TEAD1: variants seen among roughly 807,000 people sequenced by gnomAD.
TEAD1 encodes TEA domain transcription factor 1.
Under a neutral mutation model 54.9 loss-of-function variants are expected in TEAD1, and 9 were observed. The ratio of observed to expected loss-of-function variants is 0.16; its 90% CI spans 0.10 to 0.29. The LOEUF is 0.29. Ranked by LOEUF, TEAD1 falls within the 10% of genes least tolerant of loss-of-function variation. The pLI, the probability that TEAD1 is intolerant of heterozygous loss-of-function variation, is 1.00. For missense variants in TEAD1, 387 were observed against 535.9 expected, an observed-to-expected ratio of 0.72 and a Z score of 2.74; for synonymous variants, 200 against 187.8, an observed-to-expected ratio of 1.07 and a Z score of -0.53.
intron 3 of TEAD1, among the ~76,000 whole-genome samples, chr11:12,814,880 T>C (rs1017294832): frequency 9.2e-5 from 14 of 151,718 alleles, no homozygotes; most frequent in African/African-American, 3.4e-4. Context: ...TCTGTGTGTG[T>C]GTGCACGCGT....
Position 12,845,399 on chromosome 11 carries a change from C to T in TEAD1, c.203-16851C>T, listed in dbSNP as rs912057499. Among the ~76,000 whole-genome samples the T allele has an allele frequency of 1.5e-4, 23 of 152,162 alleles. 1 individual carries two copies. The highest frequency in any genetic ancestry group is 2.1e-4 in the South Asian group (1 of 4,828). The stretch of plus-strand genomic sequence containing the variant: ...GCACTATCGTGTGTGTGTGCGCACA[C>T]GCACACACAGTAGCTAGAAGTGTTA... On this transcript the variant is annotated intron_variant, in intron 3 of 12. Coordinates refer to ENST00000527636, the MANE Select transcript of TEAD1 (RefSeq NM_021961.6).
intron 3 of TEAD1, among the ~76,000 whole-genome samples, chr11:12,851,882 A>G (rs923247902): frequency 2.0e-5 from 3 of 152,186 alleles, no homozygotes; most frequent in Non-Finnish European, 4.4e-5. Flanking sequence ...CAGGTGCTTT[A>G]CCATGGAGCA....
chr11:12,687,181 C>T (rs1307081888), intron 2 of TEAD1, among the ~76,000 whole-genome samples: 1 of 152,162 alleles, frequency 6.6e-6, no homozygotes, highest in Non-Finnish European at 1.5e-5. Flanking sequence ...TGCCTCTTGC[C>T]CCTCTAGCTG....
chr11:12,700,809 G>A (rs1222216449), intron 2 of TEAD1, among the ~76,000 whole-genome samples: 3 of 152,160 alleles, frequency 2.0e-5, no homozygotes, highest in Non-Finnish European at 4.4e-5. Context: ...TGCATCTGGT[G>A]CCAAGTGACT....
At chr11:12,730,662 G>A (rs1944405092) in intron 2 of TEAD1, among the ~76,000 whole-genome samples, 1 of 150,462 alleles carries the variant, frequency 6.6e-6, no homozygotes, top group South Asian at 2.1e-4. Context: ...TGACTTTATG[G>A]AGGCTTGCCT....
At chr11:12,696,770 G>A (rs1019323082) in intron 2 of TEAD1, among the ~76,000 whole-genome samples, 1 of 152,184 alleles carries the variant, frequency 6.6e-6, no homozygotes. Context: ...AGCAAAGGGA[G>A]CTCCATTTGG....
At chr11:12,778,055 C>T (rs1945467226) in intron 3 of TEAD1, among the ~76,000 whole-genome samples, 1 of 152,154 alleles carries the variant, frequency 6.6e-6, no homozygotes, top group Admixed American at 6.5e-5. Context: ...AGGTACTGTT[C>T]TGAACACTTA....
chr11:12,862,437 C>A, intron 4 of TEAD1, 123 bp downstream of exon 4: 1 of 801,882 alleles, frequency 1.2e-6, no homozygotes, highest in South Asian at 1.4e-5. Flanking sequence ...GTAAGGACGT[C>A]AGTGTTGGAG....
intron 3 of TEAD1, among the ~76,000 whole-genome samples, chr11:12,776,099 C>G (rs1260457076): frequency 6.6e-6 from 1 of 152,000 alleles, no homozygotes; most frequent in Non-Finnish European, 1.5e-5. Flanking sequence ...GACAGGTGGT[C>G]AGAGAGTGGC....
At chr11:12,826,543 G>A (rs1413718907) in intron 3 of TEAD1, among the ~76,000 whole-genome samples, 2 of 152,130 alleles carry the variant, frequency 1.3e-5, no homozygotes, top group Non-Finnish European at 2.9e-5. Flanking sequence ...TAACAATCAC[G>A]GTGTGATAAA....
chr11:12,863,506 A>C (rs1354778970), intron 4 of TEAD1, among the ~76,000 whole-genome samples: 2 of 152,196 alleles, frequency 1.3e-5, no homozygotes, highest in South Asian at 2.1e-4. Context: ...AATTGGAAAA[A>C]AAAATAATTG....
Position 12,756,943 on chromosome 11 carries a change from T to C in TEAD1, c.-54-7236T>C, listed in dbSNP as rs185167655. The stretch of plus-strand genomic sequence containing the variant: ...CAGTTCACTTTGGAAGTAAAGCACC[T>C]TTTTTCCCCCCAGTCTTTTTGTTGG... On this transcript the variant is annotated intron_variant, in intron 2 of 12. Coordinates refer to ENST00000527636, the MANE Select transcript of TEAD1 (RefSeq NM_021961.6). Among the ~76,000 whole-genome samples, 324 of 152,294 alleles carry C rather than the reference T, an allele frequency of 2.1e-3. 3 individuals are homozygous for C. Among genetic ancestry groups the C allele is most frequent in the Admixed American group, 0.015 (235 of 15,300 alleles).
At chr11:12,836,412 T>TC (rs1175271454) in intron 3 of TEAD1, among the ~76,000 whole-genome samples, 1 of 121,210 alleles carries the variant, frequency 8.3e-6, no homozygotes, top group Non-Finnish European at 1.7e-5. Context: ...AGAGCGAGAC[T>TC]CCGTCTCAAA....
chr11:12,693,071 G>C (rs917312243), intron 2 of TEAD1, among the ~76,000 whole-genome samples: 1 of 152,206 alleles, frequency 6.6e-6, no homozygotes, highest in African/African-American at 2.4e-5. Context: ...CATGAATGAG[G>C]GAGGCTTTAA....
chr11:12,675,594 G>A (rs2133802717), intron 2 of TEAD1, 33 bp downstream of exon 2: 1 of 152,338 alleles, frequency 6.6e-6, no homozygotes, highest in Non-Finnish European at 1.5e-5. Flanking sequence ...TTTGTTGATT[G>A]GAAGAGAAAT....
intron 3 of TEAD1, among the ~76,000 whole-genome samples, chr11:12,859,379 T>C (rs1947454840): frequency 6.6e-6 from 1 of 150,910 alleles, no homozygotes; most frequent in African/African-American, 2.5e-5. Context: ...CCTGGATCTA[T>C]TTCGCCTTGG....
At chr11:12,902,411 T>A (rs1404675906) in intron 10 of TEAD1, among the ~76,000 whole-genome samples, 1 of 152,262 alleles carries the variant, frequency 6.6e-6, no homozygotes, top group Non-Finnish European at 1.5e-5. Flanking sequence ...AGTTACATGC[T>A]TCAAGATTTT....
chr11:12,902,192 C>T, intron 10 of TEAD1, 79 bp downstream of exon 10: 1 of 1,583,192 alleles, frequency 6.3e-7, no homozygotes, highest in East Asian at 2.2e-5. Flanking sequence ...TGCAGCACAG[C>T]TGGCTTTGGA....
chr11:12,928,283 C>CT (rs35934347), intron 11 of TEAD1, among the ~76,000 whole-genome samples: 83,137 of 135,412 alleles, frequency 0.61, 25,682 homozygotes, highest in South Asian at 0.74. Context: ...TTTTCTTTTC[C>CT]TTTTTTTTTT....
Sources: allele counts gnomAD v4.1 joint callset (sites outside exome capture counted in the v4.1 genomes callset), GRCh38; gene constraint gnomAD v4.1.1; transcripts MANE v1.5; gene names NCBI Gene and HGNC (gene_info 2026-07-23, HGNC 2026-07-21).